Variants in NUP58 observed in about 807,000 individuals in gnomAD.
NUP58 encodes the protein nucleoporin 58.
Under a neutral mutation model 70.1 loss-of-function variants are expected in NUP58, and 17 were observed. The observed-to-expected ratio is 0.24, with a 90% CI of 0.17 to 0.36. NUP58 has a LOEUF of 0.36. Ranked by LOEUF, NUP58 falls within the 10% of genes least tolerant of loss-of-function variation. NUP58 has a pLI of 1.00. For missense variants in NUP58, 644 were observed against 701.5 expected, an observed-to-expected ratio of 0.92 and a Z score of 0.93; for synonymous variants, 275 against 257.6, an observed-to-expected ratio of 1.07 and a Z score of -0.65.
chr13:25,311,501 G>A lies in NUP58; in HGVS notation c.287-1382G>A, dbSNP rs376646081. 1.8e-4 allele frequency among the ~76,000 whole-genome samples: 28 copies of A among 151,980 alleles called. No individual in the cohort carries two copies. In the East Asian group the frequency reaches 3.7e-3, roughly 20 times the overall value. ...AACAATTCTCCTGTCTCAGCCTCCC[G>A]AGTAGCTGGGATTACAGGCATGCGC... On this transcript the variant is annotated intron_variant, in intron 3 of 15. Transcript: ENST00000381736.
In NUP58 at chr13:25,326,949, A is replaced by G. The variant is rs2031418391; in HGVS notation, c.1065A>G (p.Val355=). 1 of 1,599,620 alleles carries G rather than the reference A, an allele frequency of 6.3e-7. No homozygotes were observed. Among genetic ancestry groups the G allele is most frequent in the South Asian group, 1.1e-5 (1 of 87,648 alleles). The change falls in exon 11 of 16, where the codon GTA becomes GTG. Residue 355 remains valine (V), a synonymous_variant. Coordinates refer to ENST00000381736, the MANE Select transcript of NUP58 (RefSeq NM_014089.4). ...YFRILVQQFE[V]QLQQYRQQIE... Reference sequence around the variant, plus strand: ...GAATCTTGGTTCAGCAATTTGAGGTACAGCTTCAGCAGTACAGGCAGCAGA... The same window carrying G: ...GAATCTTGGTTCAGCAATTTGAGGTGCAGCTTCAGCAGTACAGGCAGCAGA...
At chr13:25,303,143 C>T (rs1232398232) in intron 1 of NUP58, 1 of 453,536 alleles carries the variant, frequency 2.2e-6, no homozygotes, top group African/African-American at 2.0e-5. Flanking sequence ...TGTTCTGCCA[C>T]ATTTTAGCCA....
intron 8 of NUP58, 122 bp from the exon 9 acceptor site, chr13:25,320,797 A>C (rs959816531): frequency 1.1e-4 from 79 of 749,452 alleles, no homozygotes; most frequent in Admixed American, 3.1e-4. Context: ...AAAAAGTGTG[A>C]ACTATAGATG....
In NUP58 at chr13:25,331,534, A is replaced by C; in HGVS notation, c.1411A>C (p.Thr471Pro). The stretch of plus-strand genomic sequence containing the variant: ...AGCCGTTGCCATGGCTGCAACACTT[A>C]CACAGCAGCAACAGCCTGCTACAGG... ...AAAVAMAATL[T>P]QQQQPATGPQ... The change falls in exon 13 of 16, where the codon ACA becomes CCA. Residue 471 changes from threonine (T) to proline (P), a missense_variant. Transcript: ENST00000381736. 4 of 1,614,050 alleles carry C rather than the reference A, an allele frequency of 2.5e-6. No individual in the cohort carries two copies. Among genetic ancestry groups the C allele is most frequent in the Non-Finnish European group, 3.4e-6 (4 of 1,179,972 alleles).
At chr13:25,332,625 T>A in intron 13 of NUP58, 1 of 985,414 alleles carries the variant, frequency 1.0e-6, no homozygotes, top group Non-Finnish European at 1.2e-6. Flanking sequence ...GTTTAAAAAA[T>A]TGTTCTTCAC....
intron 4 of NUP58, among the ~76,000 whole-genome samples, chr13:25,313,307 T>G (rs1265853233): frequency 6.6e-6 from 1 of 152,180 alleles, no homozygotes; most frequent in African/African-American, 2.4e-5. Flanking sequence ...GGCATAAACC[T>G]TGCCTGGCTT....
chr13:25,307,004 C>G (rs2030395507), intron 1 of NUP58, among the ~76,000 whole-genome samples: 1 of 152,004 alleles, frequency 6.6e-6, no homozygotes, highest in Non-Finnish European at 1.5e-5. Flanking sequence ...CTATACTCTC[C>G]CCAACACCAC....
intron 3 of NUP58, among the ~76,000 whole-genome samples, chr13:25,312,268 T>G (rs578030270): frequency 1.6e-4 from 25 of 152,270 alleles, no homozygotes; most frequent in African/African-American, 5.8e-4. Flanking sequence ...GAGGGACCAT[T>G]TTTCTGCTGA....
chr13:25,317,633 A>G (rs1252617206), intron 6 of NUP58: 1 of 152,194 alleles, frequency 6.6e-6, no homozygotes, highest in Non-Finnish European at 1.5e-5. Context: ...TTGGTGAATT[A>G]TTTGGAGAAA....
intron 2 of NUP58, among the ~76,000 whole-genome samples, chr13:25,308,649 A>G (rs190684818): frequency 9.5e-4 from 145 of 152,226 alleles, no homozygotes; most frequent in African/African-American, 2.6e-3. Flanking sequence ...ACATTTTTGT[A>G]TTATTAAAAC....
chr13:25,325,121 C>G, intron 10 of NUP58, 53 bp downstream of exon 10: 1 of 1,256,092 alleles, frequency 8.0e-7, no homozygotes, highest in South Asian at 1.2e-5. Flanking sequence ...GAAAGCAGAA[C>G]AGTAATAATA....
rs529739038 is a variant in NUP58 at position 25,335,888 on chromosome 13, A to C, written c.1436-1048A>C. 2.3e-5 allele frequency: 25 copies of C among 1,089,890 alleles called. No homozygotes were observed. The African/African-American group carries it at 3.8e-4, about 16-fold the overall frequency. 67.5% of individuals were successfully genotyped at this position (1,089,890 alleles called of 1,614,324 possible). On this transcript the variant is annotated intron_variant, in intron 13 of 15. Coordinates refer to ENST00000381736, the MANE Select transcript of NUP58 (RefSeq NM_014089.4). ...CTGTGCTTGAAAAAGACAATACTGA[A>C]GATTGTACTATGAAGTTTATTGAAT...
intron 14 of NUP58, among the ~76,000 whole-genome samples, chr13:25,338,292 C>T (rs1593202388): frequency 6.6e-6 from 1 of 152,060 alleles, no homozygotes; most frequent in South Asian, 2.1e-4. Flanking sequence ...AATGAAATAC[C>T]CCTAAAGTGG....
chr13:25,336,267 T>C, intron 13 of NUP58: 2 of 1,365,040 alleles, frequency 1.5e-6, no homozygotes, highest in Non-Finnish European at 2.0e-6. Context: ...TTATCACTTT[T>C]TGTGAACAAG....
At chr13:25,306,630 GAT>G (rs2137716010) in intron 1 of NUP58, among the ~76,000 whole-genome samples, 1 of 152,226 alleles carries the variant, frequency 6.6e-6, no homozygotes, top group South Asian at 2.1e-4. Context: ...AAATAATAAA[GAT>G]AAATATGTAG....
intron 15 of NUP58, 85 bp downstream of exon 15, chr13:25,338,816 C>T: frequency 8.6e-7 from 1 of 1,167,492 alleles, no homozygotes; most frequent in Non-Finnish European, 1.2e-6. Flanking sequence ...TTTCCAGTAA[C>T]CCAAAAAGTT....
chr13:25,327,762 C>A (rs2031452788), intron 12 of NUP58, among the ~76,000 whole-genome samples: 1 of 152,014 alleles, frequency 6.6e-6, no homozygotes, highest in Admixed American at 6.6e-5. Context: ...GAATAACTTT[C>A]TATGTTAATA....
In NUP58 at chr13:25,318,195, G is replaced by T. The variant is rs59324295; in HGVS notation, c.686-1131G>T. Among the ~76,000 whole-genome samples the T allele has an allele frequency of 4.8e-3, 730 of 152,148 alleles. 8 individuals are homozygous for T. The highest frequency in any genetic ancestry group is 0.017 in the African/African-American group (700 of 41,516). On this transcript the variant is annotated intron_variant, in intron 6 of 15. Transcript: ENST00000381736. ...ATGCAAAAGCTAGCCGGGCACAGTG[G>T]CAGGCACCTGTAATCCCAGCTACTC...
intron 1 of NUP58, 91 bp from the exon 2 acceptor site, chr13:25,307,715 T>A (rs2030441155): frequency 8.2e-7 from 1 of 1,216,406 alleles, no homozygotes; most frequent in African/African-American, 1.5e-5. Context: ...TCTTGAAGAG[T>A]TAATTTTTAT....
Sources: allele counts gnomAD v4.1 joint callset (sites outside exome capture counted in the v4.1 genomes callset), GRCh38; gene constraint gnomAD v4.1.1; transcripts MANE v1.5; gene names NCBI Gene and HGNC (gene_info 2026-07-23, HGNC 2026-07-21).